Variants in FKBP9 observed in about 807,000 individuals in gnomAD.
FKBP9 encodes peptidyl-prolyl cis-trans isomerase FKBP9.
In FKBP9, 27 loss-of-function variants were observed where a neutral mutation model predicts 55.6. The ratio of observed to expected loss-of-function variants is 0.49; its 90% CI spans 0.36 to 0.67. FKBP9 has a LOEUF of 0.67. Ranked by LOEUF, FKBP9 falls within the 30% of genes least tolerant of loss-of-function variation. The pLI, the probability that FKBP9 is intolerant of heterozygous loss-of-function variation, is 0.00. For synonymous variants in FKBP9, 267 were observed against 296.5 expected (o/e 0.90, Z 1.02); for missense variants, 539 against 742.8 (o/e 0.73, Z 3.19).
At chr7:32,967,456 C>T (rs28394857) in intron 1 of FKBP9, among the ~76,000 whole-genome samples, 7,081 of 152,208 alleles carry the variant, frequency 0.047, 390 homozygotes, top group East Asian at 0.19. Flanking sequence ...TTAGATACCT[C>T]ATATAATTCG....
chr7:32,969,279 C>T (rs1199463049), intron 1 of FKBP9, among the ~76,000 whole-genome samples: 1 of 151,958 alleles, frequency 6.6e-6, no homozygotes, highest in Non-Finnish European at 1.5e-5. Context: ...GTTTTTGTTA[C>T]CTGTGCTTTT....
chr7:32,959,937 T>G lies in FKBP9; in HGVS notation c.221+2143T>G, dbSNP rs115274482. Among the ~76,000 whole-genome samples the G allele has an allele frequency of 5.0e-3, 768 of 152,220 alleles. 8 individuals are homozygous for G. The highest frequency in any genetic ancestry group is 0.017 in the African/African-American group (716 of 41,528). On this transcript the variant is annotated intron_variant, in intron 1 of 9. Coordinates refer to ENST00000242209, the MANE Select transcript of FKBP9 (RefSeq NM_007270.5). ...TTGTGTGGATGTACCTTTTCCTTTT[T>G]TTGGATATATACCTAGGAGTTGGAA...
chr7:32,958,638 G>A (rs1783953701), intron 1 of FKBP9, among the ~76,000 whole-genome samples: 1 of 135,130 alleles, frequency 7.4e-6, no homozygotes, highest in African/African-American at 2.4e-5. Context: ...TGCAGCCTGG[G>A]AGACAGAGAG....
At chr7:32,959,275 G>A (rs1783970252) in intron 1 of FKBP9, among the ~76,000 whole-genome samples, 1 of 152,092 alleles carries the variant, frequency 6.6e-6, no homozygotes, top group Non-Finnish European at 1.5e-5. Flanking sequence ...CGAGGTGGCG[G>A]GCGCCTGTAA....
At chr7:32,978,141 C>G (rs1784402348) in intron 4 of FKBP9, among the ~76,000 whole-genome samples, 1 of 151,668 alleles carries the variant, frequency 6.6e-6, no homozygotes, top group African/African-American at 2.4e-5. Context: ...AGACTTGTCT[C>G]AAACTGCTGA....
At chr7:32,989,416 T>A (rs1341376934) in intron 6 of FKBP9, among the ~76,000 whole-genome samples, 2 of 152,128 alleles carry the variant, frequency 1.3e-5, no homozygotes, top group African/African-American at 4.8e-5. Flanking sequence ...TTTTCCTTTT[T>A]TTCTTTTTTC....
chr7:32,975,255 G>A lies in FKBP9; in HGVS notation c.441G>A (p.Gln147=). Reference sequence around the variant, plus strand: ...TGGATATTTGGAATTCTGAAGACCAGGTTCAGATTCACACCTATTTCAAGC... The same window carrying A: ...TGGATATTTGGAATTCTGAAGACCAAGTTCAGATTCACACCTATTTCAAGC... ...LLMDIWNSED[Q]VQIHTYFKPP... Residue 147 remains glutamine, a synonymous_variant, in exon 3 of 10, where the codon CAG becomes CAA. Coordinates refer to ENST00000242209, the MANE Select transcript of FKBP9 (RefSeq NM_007270.5). The A allele has an allele frequency of 6.2e-7, 1 of 1,613,704 alleles. No individual in the cohort carries two copies. Among genetic ancestry groups the A allele is most frequent in the Non-Finnish European group, 8.5e-7 (1 of 1,179,602 alleles).
At chr7:33,002,280 C>T (rs1784949027) in intron 8 of FKBP9, among the ~76,000 whole-genome samples, 1 of 151,984 alleles carries the variant, frequency 6.6e-6, no homozygotes, top group African/African-American at 2.4e-5. Context: ...ACTACAGGTG[C>T]CCACCACCAC....
At chr7:33,000,010 T>C (rs1784902244) in intron 7 of FKBP9, 105 bp from the exon 8 acceptor site, 3 of 1,375,494 alleles carry the variant, frequency 2.2e-6, no homozygotes, top group Non-Finnish European at 3.1e-6. Flanking sequence ...GGGATTTGCA[T>C]TTCTTTGGTA....
chr7:32,994,472 C>T (rs1784746324), intron 6 of FKBP9, among the ~76,000 whole-genome samples: 1 of 152,054 alleles, frequency 6.6e-6, no homozygotes, highest in Non-Finnish European at 1.5e-5. Context: ...CCACCCTGTC[C>T]ATGTGTGTTA....
At chr7:32,996,734 C>T (rs1167293780) in intron 7 of FKBP9, among the ~76,000 whole-genome samples, 22 of 117,140 alleles carry the variant, frequency 1.9e-4, no homozygotes, top group African/African-American at 7.2e-4. Flanking sequence ...TTCCTTCCTT[C>T]CTTCCTTTCT....
intron 7 of FKBP9, 37 bp from the exon 8 acceptor site, chr7:33,000,078 T>C (rs773312000): frequency 6.2e-7 from 1 of 1,613,812 alleles, no homozygotes; most frequent in South Asian, 1.1e-5. Flanking sequence ...GCCAATGGGT[T>C]GGTGACCTAA....
At chr7:32,980,738 CTTTT>C (rs573436019) in intron 5 of FKBP9, among the ~76,000 whole-genome samples, 185 bp downstream of exon 5, 1 of 150,166 alleles carries the variant, frequency 6.7e-6, no homozygotes, top group African/African-American at 2.5e-5. Context: ...TTCTTTCTTT[CTTTT>C]TTTTTGAGAC....
intron 8 of FKBP9, chr7:33,001,912 T>G (rs1784942753): frequency 6.6e-6 from 1 of 152,244 alleles, no homozygotes. Flanking sequence ...GTATTCCACA[T>G]AAACATACAA....
At chr7:32,996,054 C>T (rs1419649974) in intron 6 of FKBP9, 109 bp from the exon 7 acceptor site, 5 of 889,484 alleles carry the variant, frequency 5.6e-6, no homozygotes, top group Non-Finnish European at 7.2e-6. Flanking sequence ...ATCTGGGTGC[C>T]CGTTTTCCTC....
At chr7:32,976,628 C>T in intron 4 of FKBP9, 129 bp downstream of exon 4, 1 of 1,302,394 alleles carries the variant, frequency 7.7e-7, no homozygotes, top group Non-Finnish European at 1.0e-6. Flanking sequence ...ATATGGTAAC[C>T]ACTAGCTACA....
At chr7:32,988,970 A>G (rs1044886865) in intron 6 of FKBP9, 7 of 196,246 alleles carry the variant, frequency 3.6e-5, no homozygotes, top group Non-Finnish European at 7.3e-5. Context: ...TTTAGTTTCT[A>G]GAGTTGTCCT....
At chr7:32,979,432 C>A in intron 4 of FKBP9, 2 of 1,202,042 alleles carry the variant, frequency 1.7e-6, no homozygotes, top group South Asian at 1.3e-5. Context: ...GGGGCTGACT[C>A]AGCAGCCGGC....
At chr7:32,993,456 C>A (rs1163576363) in intron 6 of FKBP9, among the ~76,000 whole-genome samples, 1 of 152,210 alleles carries the variant, frequency 6.6e-6, no homozygotes, top group Non-Finnish European at 1.5e-5. Context: ...TGGAATCATA[C>A]AATATTTCTC....
Sources: allele counts gnomAD v4.1 joint callset (sites outside exome capture counted in the v4.1 genomes callset), GRCh38; gene constraint gnomAD v4.1.1; transcripts MANE v1.5; gene names NCBI Gene and HGNC (gene_info 2026-07-23, HGNC 2026-07-21).